The following RPL31 variants were observed in gnomAD, a reference collection of about 807,000 sequenced individuals.
RPL31 encodes large ribosomal subunit protein eL31.
For missense variants in RPL31, 95 were observed against 164.0 expected, an observed-to-expected ratio of 0.58 and a Z score of 2.30; for synonymous variants, 51 against 55.0, an observed-to-expected ratio of 0.93 and a Z score of 0.32.
intron 4 of RPL31, among the ~76,000 whole-genome samples, chr2:101,013,535 G>C (rs1225403706): frequency 1.3e-5 from 2 of 152,122 alleles, no homozygotes; most frequent in Non-Finnish European, 1.5e-5. Context: ...ATTTACATTT[G>C]GTCATCTGAA....
intron 2 of RPL31, among the ~76,000 whole-genome samples, chr2:101,003,274 T>C (rs1203098008): frequency 6.6e-6 from 1 of 152,234 alleles, no homozygotes; most frequent in East Asian, 1.9e-4. Flanking sequence ...AATGCTTCGT[T>C]GCCTTCAGAC....
intron 4 of RPL31, among the ~76,000 whole-genome samples, chr2:101,014,185 A>G (rs533404667): frequency 6.6e-6 from 1 of 151,904 alleles, no homozygotes; most frequent in African/African-American, 2.4e-5. Context: ...GCAGTCTTTT[A>G]ATTTCGCAAA....
At chr2:101,002,478 G>A (rs940494612) in intron 1 of RPL31, 163 bp downstream of exon 1, 1 of 586,604 alleles carries the variant, frequency 1.7e-6, no homozygotes. Flanking sequence ...GCCTGAGGAA[G>A]AAAGTGACCA....
At position 101,004,182 on chromosome 2, in the gene RPL31, G is replaced by A. The variant is rs1678636842; in HGVS notation, c.132G>A (p.Arg44=). The part of the protein sequence containing the change: ...HGVGFKKRAP[R]ALKEIRKFAM... ...GGGGCTTCAAGAAGCGTGCACCTCG[G>A]GCACTCAAAGAGATTCGGAAATTTG... is the stretch of plus-strand genomic sequence containing the variant. The change falls in exon 3 of 5, where the codon CGG becomes CGA. Residue 44 remains arginine (R), a synonymous_variant. Transcript: ENST00000264258. 1.2e-6 allele frequency: 2 copies of A among 1,613,800 alleles called. No homozygotes were observed. The highest frequency in any genetic ancestry group is 1.1e-5 in the South Asian group (1 of 91,070).
At chr2:101,011,523 G>C, downstream of RPL31, 1 of 1,613,834 alleles carries the variant, frequency 6.2e-7, no homozygotes, top group Non-Finnish European at 8.5e-7. Flanking sequence ...TGGCTGTCTC[G>C]GTCATTTTCA....
chr2:101,002,407 C>G (rs960374486), intron 1 of RPL31, 92 bp downstream of exon 1: 3 of 411,292 alleles, frequency 7.3e-6, no homozygotes, highest in East Asian at 4.8e-5. Flanking sequence ...CTCTCCCGAG[C>G]CAGCCCGGGG....
intron 3 of RPL31, chr2:101,005,501 G>C (rs1678693462): frequency 6.4e-6 from 1 of 156,158 alleles, no homozygotes; most frequent in Non-Finnish European, 1.4e-5. Context: ...AGTAGAGAGG[G>C]GTTTTACCAT....
intron 4 of RPL31, among the ~76,000 whole-genome samples, chr2:101,012,414 ACAT>A (rs539464700): frequency 1.1e-3 from 165 of 152,358 alleles, no homozygotes; most frequent in African/African-American, 3.9e-3. Flanking sequence ...TGTCTTGAAA[ACAT>A]CATGCTAGGT....
At chr2:101,010,843 C>A (rs1679151636), downstream of RPL31, 10 of 1,159,352 alleles carry the variant, frequency 8.6e-6, 1 homozygote, top group Admixed American at 1.8e-4. Flanking sequence ...GATCGCGCCA[C>A]TGTACTCCAG....
intron 3 of RPL31, chr2:101,005,308 T>TA (rs1239723078): frequency 6.5e-6 from 1 of 152,818 alleles, no homozygotes; most frequent in Non-Finnish European, 1.5e-5. Context: ...GCAGAGTTTT[T>TA]AACACTGTTT....
intron 2 of RPL31, among the ~76,000 whole-genome samples, chr2:101,003,314 T>A (rs1678609992): frequency 6.6e-6 from 1 of 152,090 alleles, no homozygotes; most frequent in Non-Finnish European, 1.5e-5. Context: ...TGGCCATCTG[T>A]TTTGTTTTGT....
At chr2:101,011,641 C>T, downstream of RPL31, 2 of 1,246,266 alleles carry the variant, frequency 1.6e-6, no homozygotes, top group East Asian at 2.4e-5. Context: ...GCCAGCAGCT[C>T]CCAGCCTGTG....
chr2:101,002,852 T>C, intron 2 of RPL31, 44 bp downstream of exon 2: 2 of 1,436,428 alleles, frequency 1.4e-6, no homozygotes, highest in Non-Finnish European at 2.0e-6. Context: ...CTCACGCGTC[T>C]GGTTGTTACC....
intron 4 of RPL31, among the ~76,000 whole-genome samples, chr2:101,014,447 C>G (rs1437748975): frequency 6.6e-6 from 1 of 152,022 alleles, no homozygotes; most frequent in South Asian, 2.1e-4. Context: ...TTTTTTGTGC[C>G]CTGTGAGATG....
downstream of RPL31, chr2:101,011,178 C>G (rs770470942): frequency 3.9e-6 from 3 of 768,414 alleles, no homozygotes; most frequent in Non-Finnish European, 6.2e-6. Flanking sequence ...CCCTGGAGAG[C>G]CAGTGGGTGG....
chr2:101,006,384 G>T lies in RPL31; in HGVS notation c.*3G>T, dbSNP rs111981118. The T allele has an allele frequency of 6.2e-6, 10 of 1,608,204 alleles. No individual in the cohort carries two copies. The highest frequency in any genetic ancestry group is 4.0e-5 in the African/African-American group (3 of 74,738). On this transcript the variant is annotated 3_prime_UTR_variant, in exon 5 of 5. Transcript: ENST00000264258. ...CAGTCAATGTGGATGAGAACTAATC[G>T]CTGATCGTCAGATCAAATAAAGTTA... is the stretch of plus-strand genomic sequence containing the variant.
chr2:101,019,663 C>CA (rs1412872972), exon 5 of RPL31: 13 of 152,158 alleles, frequency 8.5e-5, no homozygotes, highest in African/African-American at 2.9e-4. Flanking sequence ...AAGGTCTGAA[C>CA]AATTGATTTT....
intron 4 of RPL31, among the ~76,000 whole-genome samples, chr2:101,014,066 G>A (rs892654564): frequency 1.3e-5 from 2 of 152,186 alleles, no homozygotes; most frequent in African/African-American, 4.8e-5. Context: ...AGATGCAACA[G>A]CTACTGGAGG....
At chr2:101,011,593 C>G, downstream of RPL31, 1 of 1,588,544 alleles carries the variant, frequency 6.3e-7, no homozygotes, top group Non-Finnish European at 8.6e-7. Flanking sequence ...CTTACCAAAA[C>G]TGACAGTAAT....
Sources: allele counts gnomAD v4.1 joint callset (sites outside exome capture counted in the v4.1 genomes callset), GRCh38; gene constraint gnomAD v4.1.1; transcripts MANE v1.5; gene names NCBI Gene and HGNC (gene_info 2026-07-23, HGNC 2026-07-21).